DNAH3: variants seen among roughly 807,000 people sequenced by gnomAD.
DNAH3 encodes the protein axonemal beta dynein heavy chain 3.
Under a neutral mutation model 432.5 loss-of-function variants are expected in DNAH3, and 332 were observed. The ratio of observed to expected loss-of-function variants is 0.77; its 90% CI spans 0.70 to 0.84. The LOEUF (loss-of-function observed/expected upper bound fraction) is 0.84, where lower values mean the gene tolerates loss of function less well. Ranked by LOEUF, DNAH3 falls within the 40% of genes least tolerant of loss-of-function variation. The pLI is 0.00. For synonymous variants in DNAH3, 1,956 were observed against 1,900.2 expected (o/e 1.03, Z -0.76); for missense variants, 4,861 against 5,114.0 (o/e 0.95, Z 1.51).
chr16:21,039,795 G>A lies in DNAH3; in HGVS notation c.4730+57C>T, dbSNP rs1029284072. 41 of 1,277,724 alleles carry A rather than the reference G, an allele frequency of 3.2e-5. No homozygotes were observed. The East Asian group carries it at 3.2e-4, about 10-fold the overall frequency. 79.1% of individuals were successfully genotyped at this position (1,277,724 alleles called of 1,614,324 possible). A position where few individuals can be genotyped will look rare whatever the true frequency, so the allele number is the denominator to read the frequency against. On this transcript the variant is annotated intron_variant, in intron 33 of 61. Coordinates refer to ENST00000261383, the Ensembl canonical transcript of DNAH3. ...GGGCAAACCACCTTGAATCTGCCACGCAAAAAGCCGCTATTTAAAGTCCTT... is the reference window on the plus strand; with the variant it reads ...GGGCAAACCACCTTGAATCTGCCACACAAAAAGCCGCTATTTAAAGTCCTT...
chr16:21,021,728 G>A (rs2152712651), intron 40 of DNAH3, among the ~76,000 whole-genome samples: 1 of 152,056 alleles, frequency 6.6e-6, no homozygotes, highest in East Asian at 1.9e-4. Flanking sequence ...TGGTCAACAT[G>A]GCGAAACCCC....
chr16:21,131,370 GAGGAAGGAAGGA>G (rs200848913), intron 7 of DNAH3, among the ~76,000 whole-genome samples: 3 of 149,904 alleles, frequency 2.0e-5, no homozygotes, highest in South Asian at 2.1e-4. Context: ...CAGGGTCACA[GAGGAAGGAAGGA>G]AGGAAGGAAG....
intron 14 of DNAH3, among the ~76,000 whole-genome samples, chr16:21,108,021 C>G (rs1438847623): frequency 6.6e-5 from 10 of 151,960 alleles, no homozygotes; most frequent in Non-Finnish European, 1.5e-4. Context: ...CCGCCCCCAC[C>G]CACCACCACA....
At chr16:20,935,984 C>T (rs150660584) in intron 60 of DNAH3, among the ~76,000 whole-genome samples, 5 of 152,202 alleles carry the variant, frequency 3.3e-5, no homozygotes, top group African/African-American at 1.2e-4. Flanking sequence ...CCATGCCATG[C>T]GAGAACGCAG....
chr16:20,938,376 G>A (rs981154217), intron 59 of DNAH3, among the ~76,000 whole-genome samples: 1 of 149,364 alleles, frequency 6.7e-6, no homozygotes, highest in Non-Finnish European at 1.5e-5. Context: ...GGCGACAAGA[G>A]TGAAACTCTG....
At chr16:21,073,270 T>C (rs2090858689) in intron 21 of DNAH3, among the ~76,000 whole-genome samples, 2 of 152,252 alleles carry the variant, frequency 1.3e-5, no homozygotes, top group African/African-American at 4.8e-5. Flanking sequence ...ATTTAGCTAC[T>C]GATCCTTGTC....
intron 18 of DNAH3, among the ~76,000 whole-genome samples, chr16:21,091,055 A>C (rs2091519519): frequency 6.6e-6 from 1 of 152,098 alleles, no homozygotes; most frequent in Admixed American, 6.5e-5. Flanking sequence ...CAGGAGGTTG[A>C]GGTGGGAGGA....
chr16:21,141,112 C>T (rs1166637368), intron 4 of DNAH3, among the ~76,000 whole-genome samples, 188 bp downstream of exon 5: 3 of 151,966 alleles, frequency 2.0e-5, no homozygotes, highest in Admixed American at 6.6e-5. Context: ...GCACTCCAGC[C>T]CGGGCAACAG....
At chr16:21,049,499 G>A (rs903573604) in intron 31 of DNAH3, 70 bp downstream of exon 31, 14 of 1,203,590 alleles carry the variant, frequency 1.2e-5, no homozygotes, top group Non-Finnish European at 1.7e-5. Flanking sequence ...TGTTATTAAG[G>A]GGTGCAGAGC....
chr16:21,087,442 G>A (rs2091414054), intron 18 of DNAH3, among the ~76,000 whole-genome samples: 1 of 152,098 alleles, frequency 6.6e-6, no homozygotes, highest in African/African-American at 2.4e-5. Flanking sequence ...CCAGCATTTG[G>A]GGAGGCCAAG....
At chr16:21,020,375 C>CTATATATATATATA (rs752950422) in intron 40 of DNAH3, among the ~76,000 whole-genome samples, 8 of 32,946 alleles carry the variant, frequency 2.4e-4, no homozygotes, top group African/African-American at 6.9e-4. Flanking sequence ...TATAAAATCA[C>CTATATATATATATA]TATATATATA....
intron 1 of DNAH3, among the ~76,000 whole-genome samples, chr16:21,152,389 G>A (rs768548894): frequency 5.3e-5 from 8 of 152,178 alleles, no homozygotes; most frequent in Non-Finnish European, 8.8e-5. Flanking sequence ...AAACATTCCC[G>A]AGTTCCTATG....
At chr16:21,152,206 T>C (rs1174170421) in intron 1 of DNAH3, among the ~76,000 whole-genome samples, 1 of 151,948 alleles carries the variant, frequency 6.6e-6, no homozygotes, top group African/African-American at 2.4e-5. Flanking sequence ...CACCCCAGCC[T>C]GGGCAACAAG....
chr16:21,042,566 G>A (rs938436651), intron 31 of DNAH3, among the ~76,000 whole-genome samples: 1 of 151,926 alleles, frequency 6.6e-6, no homozygotes, highest in African/African-American at 2.4e-5. Flanking sequence ...CTTTTGTGAT[G>A]CATCTTTTGT....
rs555532188 is a variant in DNAH3, at chr16:21,137,002, C to T, written c.697-489G>A. 8.5e-5 allele frequency among the ~76,000 whole-genome samples: 13 copies of T among 152,052 alleles called. No individual in the cohort carries two copies. The South Asian group carries it at 1.7e-3, about 20-fold the overall frequency. On this transcript the variant is annotated intron_variant, in intron 5 of 61. Coordinates refer to ENST00000261383, the Ensembl canonical transcript of DNAH3. The stretch of plus-strand genomic sequence containing the variant: ...TACAAAAATTAGCCGGGCGTGGTGG[C>T]GCACACCTGTAGTCCCATCTGCTCA...
exon 34 of DNAH3, chr16:21,037,796 C>T: frequency 6.2e-7 from 1 of 1,614,124 alleles, no homozygotes; most frequent in East Asian, 2.2e-5. Context: ...AAGAACTTGG[C>T]CAGATTGACA....
exon 52 of DNAH3, chr16:20,969,910 G>A (rs201684846): frequency 2.6e-4 from 422 of 1,614,140 alleles, no homozygotes; most frequent in Non-Finnish European, 3.4e-4. Context: ...GCGAGATGTC[G>A]GCCGGGTTCA....
chr16:21,089,270 C>T (rs2091465192), intron 18 of DNAH3, among the ~76,000 whole-genome samples: 1 of 152,170 alleles, frequency 6.6e-6, no homozygotes, highest in South Asian at 2.1e-4. Flanking sequence ...GCGACACTCA[C>T]TAGGAATCCC....
intron 15 of DNAH3, among the ~76,000 whole-genome samples, chr16:21,105,719 G>T (rs2091930000): frequency 6.6e-6 from 1 of 151,902 alleles, no homozygotes; most frequent in African/African-American, 2.4e-5. Flanking sequence ...TGAGCCGAGG[G>T]TGGCACTGCA....
Sources: gnomAD v4.1 joint callset for allele counts (sites outside exome capture counted in the v4.1 genomes callset) on GRCh38, gnomAD v4.1.1 for gene constraint, MANE v1.5 for transcripts, NCBI Gene and HGNC (gene_info 2026-07-23, HGNC 2026-07-21) for gene names.